OTOA: variants seen among roughly 807,000 people sequenced by gnomAD.
The protein encoded by OTOA is cancer/testis antigen 108.
In OTOA, 70 loss-of-function variants were observed where a neutral mutation model predicts 110.8. The observed-to-expected ratio is 0.63, with a 90% confidence interval of 0.52 to 0.77. The LOEUF (loss-of-function observed/expected upper bound fraction) is 0.77, where lower values mean the gene tolerates loss of function less well. Ranked by LOEUF, OTOA falls within the 30% of genes least tolerant of loss-of-function variation. OTOA has a pLI of 0.00. For missense variants in OTOA, 917 were observed against 1,075.8 expected (o/e 0.85, Z 2.06); for synonymous variants, 373 against 431.5 (o/e 0.86, Z 1.68).
At chr16:21,717,436 G>C (rs1567386933) in intron 15 of OTOA, among the ~76,000 whole-genome samples, 1 of 152,018 alleles carries the variant, frequency 6.6e-6, no homozygotes, top group Non-Finnish European at 1.5e-5. Context: ...GCGAGACCCT[G>C]TCTCTTAAAA....
intron 10 of OTOA, among the ~76,000 whole-genome samples, chr16:21,699,513 T>C (rs921493522): frequency 6.6e-5 from 10 of 151,778 alleles, no homozygotes; most frequent in African/African-American, 2.4e-4. Context: ...GGTGTGTGCC[T>C]GAGGTCTCAG....
intron 12 of OTOA, among the ~76,000 whole-genome samples, chr16:21,709,393 C>T (rs186887172): frequency 1.6e-3 from 247 of 152,006 alleles, no homozygotes; most frequent in Non-Finnish European, 2.7e-3. Context: ...CAAGACCACA[C>T]CATTATACTC....
chr16:21,719,600 A>G, intron 17 of OTOA, 96 bp downstream of exon 17: 1 of 1,175,346 alleles, frequency 8.5e-7, no homozygotes, highest in Non-Finnish European at 1.3e-6. Flanking sequence ...TTATGCCAGA[A>G]TCATTCAGAC....
At chr16:21,713,676 T>C (rs1898426568) in intron 13 of OTOA, among the ~76,000 whole-genome samples, 1 of 152,192 alleles carries the variant, frequency 6.6e-6, no homozygotes. Flanking sequence ...CCAGGGCACC[T>C]GGCCTCAGAG....
intron 17 of OTOA, chr16:21,721,232 T>TAC (rs35961471): frequency 0.048 from 17,874 of 371,308 alleles, 307 homozygotes; most frequent in East Asian, 0.089. Flanking sequence ...ACATAATTAT[T>TAC]ACACACACAC....
Position 21,682,244 on chromosome 16 carries a change from G to A in OTOA, c.267+419G>A, listed in dbSNP as rs567628489. Among the ~76,000 whole-genome samples the A allele has an allele frequency of 4.0e-4, 61 of 152,268 alleles. 1 individual carries two copies. Among genetic ancestry groups the A allele is most frequent in the African/African-American group, 1.4e-3 (58 of 41,546 alleles). On this transcript the variant is annotated intron_variant, in intron 6 of 28. Coordinates refer to ENST00000646100, the MANE Select transcript of OTOA (RefSeq NM_144672.4). The stretch of plus-strand genomic sequence containing the variant: ...CTGGGGAGTTATTGCCCATGTGGTG[G>A]AAACACCTCTTCCTTTCTCCAATCC...
At position 21,664,699 on chromosome 16, in the gene OTOA, C is replaced by T. The variant is rs193170416; in HGVS notation, c.-5+467C>T. 1.8e-4 allele frequency among the ~76,000 whole-genome samples: 27 copies of T among 152,082 alleles called. No homozygotes were observed. The East Asian group carries it at 4.8e-3, about 27-fold the overall frequency. On this transcript the variant is annotated intron_variant, in intron 1 of 28. Transcript: ENST00000646100. ...AGAAATGGAAAAATGCAGGTAAAGG[C>T]CGGGGCTCACACCTGTAATCCCAGC...
Position 21,695,891 on chromosome 16 carries a change from A to ATTT in OTOA, c.740-1867_740-1865dup, listed in dbSNP as rs386384450. On this transcript the variant is annotated intron_variant, in intron 9 of 28. Coordinates refer to ENST00000646100, the MANE Select transcript of OTOA (RefSeq NM_144672.4). ...GATATATATATATATATATATATATATTTTTTTTTTTTTTTTTTTCTGAGA... is the reference window on the plus strand; with the variant it reads ...GATATATATATATATATATATATATATTTTTTTTTTTTTTTTTTTTTTCTGAGA... 2.6e-3 allele frequency among the ~76,000 whole-genome samples: 109 copies of ATTT among 41,896 alleles called. 9 individuals are homozygous for ATTT. Among genetic ancestry groups the ATTT allele is most frequent in the South Asian group, 4.3e-3 (4 of 926 alleles). The allele number at this position is 41,896 out of a possible 152,430, so 27.5% of individuals were successfully genotyped here. A position where few individuals can be genotyped will look rare whatever the true frequency, so the allele number is the denominator to read the frequency against.
intron 21 of OTOA, among the ~76,000 whole-genome samples, chr16:21,735,712 G>T (rs1899271397): frequency 6.6e-6 from 1 of 152,010 alleles, no homozygotes; most frequent in African/African-American, 2.4e-5. Context: ...TTCTGTCTCA[G>T]CCTCCTAAGT....
At chr16:21,666,453 C>T (rs1309811993) in intron 1 of OTOA, among the ~76,000 whole-genome samples, 2 of 152,082 alleles carry the variant, frequency 1.3e-5, no homozygotes, top group South Asian at 4.1e-4. Flanking sequence ...GATGAAGTGA[C>T]TCTGATCCAT....
rs140937304 is a variant in OTOA, at chr16:21,674,422, C to T, written c.-4-4089C>T. ...GCCTCCCAGTCACTGCAACCTCCGC[C>T]TCCTCGGTTCAAGCAATTCTCCTGC... On this transcript the variant is annotated intron_variant, in intron 1 of 28. Coordinates refer to ENST00000646100, the MANE Select transcript of OTOA (RefSeq NM_144672.4). 1.4e-3 allele frequency among the ~76,000 whole-genome samples: 217 copies of T among 152,012 alleles called. 1 individual carries two copies. Among genetic ancestry groups the T allele is most frequent in the Non-Finnish European group, 2.7e-3 (186 of 67,994 alleles).
intron 9 of OTOA, among the ~76,000 whole-genome samples, chr16:21,697,037 C>CGT (rs1897956890): frequency 1.5e-5 from 1 of 65,034 alleles, no homozygotes; most frequent in South Asian, 7.9e-4. Flanking sequence ...CTACAGCTGG[C>CGT]TTTTTTTTTT....
Position 21,719,160 on chromosome 16 carries a change from A to G in OTOA, c.1657A>G (p.Lys553Glu). The part of the protein sequence containing the change: ...QALFLYELLL[K>E]TTRRPEELLS... Reference sequence around the variant, plus strand: ...TCTGTTCCTGTATGAGCTTCTGTTAAAGACCACCAGAAGGCCTGAGGAGCT... The same window carrying G: ...TCTGTTCCTGTATGAGCTTCTGTTAGAGACCACCAGAAGGCCTGAGGAGCT... Residue 553 changes from lysine (K) to glutamate (E), a missense_variant, in exon 16 of 29, where the codon AAG becomes GAG. By Grantham distance (56) the Lys-to-Glu change is moderately conservative. Around this residue, in one of 6 missense-constraint regions of OTOA, gnomAD observed 840 missense variants for 910.2 expected, o/e 0.92. Coordinates refer to ENST00000646100, the MANE Select transcript of OTOA (RefSeq NM_144672.4). 1 of 1,614,048 alleles carries G rather than the reference A, an allele frequency of 6.2e-7. No individual in the cohort carries two copies. Among genetic ancestry groups the G allele is most frequent in the South Asian group, 1.1e-5 (1 of 91,068 alleles).
In OTOA at chr16:21,715,104, G is replaced by T. The variant is rs201185187; in HGVS notation, c.1440G>T (p.Gln480His). 9.3e-6 allele frequency: 15 copies of T among 1,614,210 alleles called. No individual in the cohort carries two copies. In the Admixed American group the frequency reaches 2.0e-4, roughly 22 times the overall value. The change falls in exon 14 of 29, where the codon CAG becomes CAT. Residue 480 changes from glutamine to histidine, a missense_variant. Coordinates refer to ENST00000646100, the MANE Select transcript of OTOA (RefSeq NM_144672.4). ...ISQVLRSAVS[Q>H]YVSDLSPAQQ... The stretch of plus-strand genomic sequence containing the variant: ...AGGTCCTGAGAAGTGCCGTCTCCCA[G>T]TATGTATCCGACTTGTCACCTGCCC...
intron 1 of OTOA, among the ~76,000 whole-genome samples, chr16:21,676,514 A>G (rs527990492): frequency 2.0e-5 from 3 of 152,256 alleles, no homozygotes; most frequent in South Asian, 4.1e-4. Context: ...CTGATGCCCA[A>G]TGTGTTTGGA....
rs764243426 is a variant in OTOA, at chr16:21,697,857, G to A, written c.822G>A (p.Thr274=). ...TTCACCTATCGTTTGAAGAAATTACGAAAATTAGTCCTATAGAAGTAAGTT... is the reference window on the plus strand; with the variant it reads ...TTCACCTATCGTTTGAAGAAATTACAAAAATTAGTCCTATAGAAGTAAGTT... ...YMVHLSFEEI[T]KISPIEIGLF... The change falls in exon 10 of 29, where the codon ACG becomes ACA. Residue 274 remains threonine (T), a synonymous_variant. Transcript: ENST00000646100. 32 of 1,613,702 alleles carry A rather than the reference G, an allele frequency of 2.0e-5. No individual in the cohort carries two copies. The highest frequency in any genetic ancestry group is 2.6e-5 in the Non-Finnish European group (31 of 1,179,852).
chr16:21,683,070 T>C (rs538532768), intron 6 of OTOA, among the ~76,000 whole-genome samples: 4 of 152,356 alleles, frequency 2.6e-5, no homozygotes, highest in Non-Finnish European at 5.9e-5. Context: ...TATTTATTTA[T>C]TCATTTAATA....
Position 21,715,439 on chromosome 16 carries a change from G to GT in OTOA, c.1488+290dup, listed in dbSNP as rs369758805. Among the ~76,000 whole-genome samples the GT allele has an allele frequency of 0.025, 3,585 of 143,306 alleles. 92 individuals carry two copies. The highest frequency in any genetic ancestry group is 0.053 in the African/African-American group (2,062 of 38,910). 94.0% of individuals were successfully genotyped at this position (143,306 alleles called of 152,430 possible). On this transcript the variant is annotated intron_variant, in intron 14 of 28. Transcript: ENST00000646100. ...TGATCTTATAACACTTCAGGTTCAA[G>GT]TTTGTTTTTTTTTTTTGAGACAGTC...
At chr16:21,722,394 AG>A (rs371299520) in intron 17 of OTOA, among the ~76,000 whole-genome samples, 1 of 57,144 alleles carries the variant, frequency 1.7e-5, no homozygotes, top group Non-Finnish European at 4.3e-5. Context: ...TGTATAGTTA[AG>A]CTATATATAA....
Sources: allele counts gnomAD v4.1 joint callset (sites outside exome capture counted in the v4.1 genomes callset), GRCh38; gene constraint gnomAD v4.1.1; regional missense constraint gnomAD v4.1.1; transcripts MANE v1.5; gene names NCBI Gene and HGNC (gene_info 2026-07-23, HGNC 2026-07-21).